MACROD2: variants seen among roughly 807,000 people sequenced by gnomAD.
MACROD2 encodes the protein ADP-ribose glycohydrolase MACROD2.
In MACROD2, 36 loss-of-function variants were observed where a neutral mutation model predicts 70.4. The observed-to-expected ratio is 0.51, with a 90% CI of 0.39 to 0.68. The LOEUF is 0.68. Ranked by LOEUF, MACROD2 falls within the 30% of genes least tolerant of loss-of-function variation. The pLI is 0.00. For synonymous variants in MACROD2, 172 were observed against 178.8 expected, an observed-to-expected ratio of 0.96 and a Z score of 0.30; for missense variants, 496 against 538.4, an observed-to-expected ratio of 0.92 and a Z score of 0.78.
At chr20:15,947,825 A>G (rs1228675717) in intron 12 of MACROD2, among the ~76,000 whole-genome samples, 1 of 152,206 alleles carries the variant, frequency 6.6e-6, no homozygotes, top group Non-Finnish European at 1.5e-5. Context: ...ACATGACTCT[A>G]GAAAGTATGA....
chr20:15,477,711 C>A (rs2047041474), intron 7 of MACROD2, among the ~76,000 whole-genome samples: 1 of 152,136 alleles, frequency 6.6e-6, no homozygotes, highest in South Asian at 2.1e-4. Context: ...TCCTAGTTCA[C>A]AGAACCTATG....
intron 3 of MACROD2, among the ~76,000 whole-genome samples, chr20:14,201,116 G>A (rs912231237): frequency 8.6e-5 from 13 of 151,866 alleles, no homozygotes; most frequent in Middle Eastern, 3.4e-3. Context: ...TTCTCTACTT[G>A]CACTACAGAT....
intron 8 of MACROD2, among the ~76,000 whole-genome samples, chr20:15,645,750 A>G (rs1426909387): frequency 1.3e-5 from 2 of 152,204 alleles, no homozygotes; most frequent in Non-Finnish European, 2.9e-5. Context: ...AAGGCTGTGT[A>G]AATATATAAT....
intron 5 of MACROD2, among the ~76,000 whole-genome samples, chr20:14,765,680 C>A (rs204108): frequency 0.073 from 11,093 of 151,960 alleles, 486 homozygotes; most frequent in Middle Eastern, 0.21. Flanking sequence ...ATTTTCAAAA[C>A]GCCTTAGAAA....
chr20:14,016,313 T>A (rs1205869567), intron 2 of MACROD2, among the ~76,000 whole-genome samples: 2 of 152,230 alleles, frequency 1.3e-5, no homozygotes, highest in African/African-American at 4.8e-5. Flanking sequence ...TGGATATTAA[T>A]TCCTTATCAG....
chr20:15,580,880 GAATACAC>G (rs1215947063), intron 8 of MACROD2, among the ~76,000 whole-genome samples: 1 of 152,262 alleles, frequency 6.6e-6, no homozygotes, highest in East Asian at 1.9e-4. Flanking sequence ...TGAACTTGAA[GAATACAC>G]AATGGCATAG....
At chr20:15,206,910 G>A (rs1368876546) in intron 5 of MACROD2, among the ~76,000 whole-genome samples, 1 of 148,874 alleles carries the variant, frequency 6.7e-6, no homozygotes. Flanking sequence ...CTAATTTTTT[G>A]TATTTTTAGT....
Position 15,844,254 on chromosome 20 carries a change from G to A in MACROD2, c.646-18491G>A, listed in dbSNP as rs562952048. On this transcript the variant is annotated intron_variant, in intron 8 of 17. Coordinates refer to ENST00000684519, the MANE Select transcript of MACROD2 (RefSeq NM_001351661.2). Reference sequence around the variant, plus strand: ...GGAGCAGGTCTGCCAAGAGTTATGAGAGATGCTATGGTAATATAATTATGA... The same window carrying A: ...GGAGCAGGTCTGCCAAGAGTTATGAAAGATGCTATGGTAATATAATTATGA... Among the ~76,000 whole-genome samples the A allele has an allele frequency of 5.3e-5, 8 of 152,152 alleles. No homozygotes were observed. The South Asian group carries it at 1.0e-3, about 20-fold the overall frequency.
At chr20:14,276,398 G>A (rs1477807063) in intron 3 of MACROD2, among the ~76,000 whole-genome samples, 3 of 143,484 alleles carry the variant, frequency 2.1e-5, no homozygotes, top group African/African-American at 7.8e-5. Context: ...AACACCGCAT[G>A]TTCTCACTCA....
rs1327514812 is a variant in MACROD2, at chr20:16,044,761, T to G, written c.1300+122T>G. 23 of 832,332 alleles carry G rather than the reference T, an allele frequency of 2.8e-5. No homozygotes were observed. The East Asian group carries it at 3.1e-4, about 11-fold the overall frequency. 51.6% of individuals were successfully genotyped at this position (832,332 alleles called of 1,614,324 possible). On this transcript the variant is annotated intron_variant, in intron 17 of 17. Coordinates refer to ENST00000684519, the MANE Select transcript of MACROD2 (RefSeq NM_001351661.2). ...CCACAGCATGGCTTGGGATAAACCTTGAAAATCTTTAAACCAAATAACACA... is the reference window on the plus strand; with the variant it reads ...CCACAGCATGGCTTGGGATAAACCTGGAAAATCTTTAAACCAAATAACACA...
intron 3 of MACROD2, among the ~76,000 whole-genome samples, chr20:14,363,816 CAAAAAAAAAAAAAAAAA>C (rs569929488): frequency 4.2e-5 from 3 of 71,560 alleles, no homozygotes; most frequent in African/African-American, 6.2e-5. Flanking sequence ...GACTCTGTCT[CAAAAAAAAAAAAAAAAA>C]AAAAAAAAAA....
chr20:15,961,440 T>C (rs1375562122), intron 12 of MACROD2, among the ~76,000 whole-genome samples: 2 of 152,220 alleles, frequency 1.3e-5, no homozygotes, highest in African/African-American at 4.8e-5. Context: ...TTGAAATTCT[T>C]GGATCTCAGC....
At chr20:14,414,687 T>C (rs972041922) in intron 3 of MACROD2, among the ~76,000 whole-genome samples, 1 of 152,216 alleles carries the variant, frequency 6.6e-6, no homozygotes, top group Non-Finnish European at 1.5e-5. Context: ...CCTGCCACTG[T>C]TCTTTAGTCA....
intron 8 of MACROD2, among the ~76,000 whole-genome samples, chr20:15,561,820 A>T (rs2048248579): frequency 6.6e-6 from 1 of 152,076 alleles, no homozygotes; most frequent in South Asian, 2.1e-4. Context: ...TTAAAATAAG[A>T]ACAGAGCACA....
At chr20:14,028,102 A>T (rs1402966519) in intron 2 of MACROD2, among the ~76,000 whole-genome samples, 2 of 152,168 alleles carry the variant, frequency 1.3e-5, no homozygotes, top group African/African-American at 2.4e-5. Flanking sequence ...TCTTTCAGAG[A>T]TGCCCTGCCC....
chr20:14,771,215 C>A (rs2072160361), intron 5 of MACROD2, among the ~76,000 whole-genome samples: 1 of 152,028 alleles, frequency 6.6e-6, no homozygotes, highest in South Asian at 2.1e-4. Context: ...CATCAGCCCT[C>A]CAGTTCTCAG....
chr20:15,166,215 T>G (rs911957682), intron 5 of MACROD2, among the ~76,000 whole-genome samples: 2 of 152,178 alleles, frequency 1.3e-5, no homozygotes, highest in Admixed American at 6.5e-5. Context: ...TACAGTGGAC[T>G]GAATGTGTAC....
At chr20:15,420,425 C>T (rs1479784023) in intron 6 of MACROD2, among the ~76,000 whole-genome samples, 2 of 152,202 alleles carry the variant, frequency 1.3e-5, no homozygotes, top group Non-Finnish European at 2.9e-5. Flanking sequence ...ACACCACACT[C>T]CAAACACTTC....
chr20:14,422,094 G>A (rs901350697), intron 3 of MACROD2, among the ~76,000 whole-genome samples: 4 of 151,954 alleles, frequency 2.6e-5, no homozygotes, highest in African/African-American at 9.7e-5. Context: ...TTGTTGTTTG[G>A]CACATAATTT....
Sources: allele counts gnomAD v4.1 joint callset (sites outside exome capture counted in the v4.1 genomes callset), GRCh38; gene constraint gnomAD v4.1.1; transcripts MANE v1.5; gene names NCBI Gene and HGNC (gene_info 2026-07-23, HGNC 2026-07-21).